COL5A1: variants seen among roughly 807,000 people sequenced by gnomAD.
COL5A1 encodes collagen type V alpha 1 chain, also known as collagen alpha-1(V) chain.
In COL5A1, 16 loss-of-function variants were observed where a neutral mutation model predicts 263.7. The observed-to-expected ratio is 0.06, with a 90% confidence interval of 0.04 to 0.09. The LOEUF is 0.09. Among genes scored for constraint, COL5A1 ranks in the 10% least tolerant of loss-of-function variants. The pLI, the probability that COL5A1 is intolerant of heterozygous loss-of-function variation, is 1.00. For missense variants in COL5A1, 2,036 were observed against 2,540.5 expected (o/e 0.80, Z 4.27); for synonymous variants, 1,012 against 1,004.5 (o/e 1.01, Z -0.14).
intron 9 of COL5A1, among the ~76,000 whole-genome samples, chr9:134,734,188 C>A (rs1350994078): frequency 6.6e-6 from 1 of 152,058 alleles, no homozygotes; most frequent in Admixed American, 6.6e-5. Flanking sequence ...AAGGGTGGGC[C>A]AAGGAGAGGG....
At position 134,741,957 on chromosome 9, in the gene COL5A1, T is replaced by A. The variant is rs749225741; in HGVS notation, c.1494+3149T>A. ...TTCCTCAAGACAGGCCTCACTTCTG[T>A]GCCCTTCCTCACACCCTGCTCCCTG... On this transcript the variant is annotated intron_variant, in intron 11 of 65. Transcript: ENST00000371817. The surrounding 1 kb of genome is among the most constrained non-coding windows in gnomAD (Gnocchi z 4.5). 9.9e-5 allele frequency among the ~76,000 whole-genome samples: 15 copies of A among 152,064 alleles called. No homozygotes were observed. The highest frequency in any genetic ancestry group is 3.9e-4 in the East Asian group (2 of 5,114).
chr9:134,828,799 TACAC>T (rs1468246447), intron 63 of COL5A1, among the ~76,000 whole-genome samples: 2 of 141,386 alleles, frequency 1.4e-5, no homozygotes, highest in Admixed American at 1.4e-4. Flanking sequence ...ACACAGACAT[TACAC>T]ACAGATACCA....
At chr9:134,645,353 C>T (rs1330001329) in intron 1 of COL5A1, among the ~76,000 whole-genome samples, 1 of 152,256 alleles carries the variant, frequency 6.6e-6, no homozygotes, top group Non-Finnish European at 1.5e-5. Flanking sequence ...CCTCCCTGGA[C>T]CGCCCCATCC....
rs566777666 is a variant in COL5A1, at chr9:134,686,849, C to T, written c.110-4063C>T. Among the ~76,000 whole-genome samples the T allele has an allele frequency of 4.3e-4, 65 of 152,260 alleles. No homozygotes were observed. Among genetic ancestry groups the T allele is most frequent in the African/African-American group, 1.5e-3 (61 of 41,546 alleles). On this transcript the variant is annotated intron_variant, in intron 1 of 65. Coordinates refer to ENST00000371817, the MANE Select transcript of COL5A1 (RefSeq NM_000093.5). This position sits in a 1 kb window ranked among gnomAD's most constrained non-coding sequence, Gnocchi z 4.6. The stretch of plus-strand genomic sequence containing the variant: ...CTTGTAGTTTAAAGATTCTGATGCC[C>T]GTGGCCTTGTGCTGGGCCCATGTCC...
chr9:134,754,893 TG>T lies in COL5A1; in HGVS notation c.1827+569del, dbSNP rs1275196236. Among the ~76,000 whole-genome samples the T allele has an allele frequency of 1.3e-5, 2 of 152,028 alleles. No individual in the cohort carries two copies. Among genetic ancestry groups the T allele is most frequent in the African/African-American group, 4.8e-5 (2 of 41,412 alleles). On this transcript the variant is annotated intron_variant, in intron 16 of 65. Transcript: ENST00000371817. The surrounding 1 kb of genome is among the most constrained non-coding windows in gnomAD (Gnocchi z 4.3). The stretch of plus-strand genomic sequence containing the variant: ...GGAGCCCAGATTGTGCTCTCAAAAG[TG>T]GACCTTTTCAACCAGCAGACCTTTC...
intron 1 of COL5A1, among the ~76,000 whole-genome samples, chr9:134,667,571 C>A (rs6537941): frequency 0.23 from 35,633 of 152,192 alleles, 5,267 homozygotes; most frequent in African/African-American, 0.41. Flanking sequence ...ACTAGGGCCT[C>A]ACCTTGGTGT....
At chr9:134,698,729 C>A (rs761290135) in intron 2 of COL5A1, among the ~76,000 whole-genome samples, 4 of 152,248 alleles carry the variant, frequency 2.6e-5, no homozygotes, top group Non-Finnish European at 5.9e-5. Context: ...GCCTTGCAGG[C>A]GCTGCTGCCG....
At chr9:134,728,847 C>T (rs371192876) in intron 6 of COL5A1, 40 bp downstream of exon 6, 24 of 1,613,246 alleles carry the variant, frequency 1.5e-5, no homozygotes, top group African/African-American at 9.3e-5. Flanking sequence ...CTGGGCCCCT[C>T]GAGGCCATGG....
intron 1 of COL5A1, among the ~76,000 whole-genome samples, chr9:134,683,056 A>T (rs971097092): frequency 6.6e-6 from 1 of 151,934 alleles, no homozygotes; most frequent in African/African-American, 2.4e-5. Context: ...CAGGGGAGGC[A>T]CCCTCCCCTC....
At chr9:134,685,816 TCATCCATCCATC>T (rs376262626) in intron 1 of COL5A1, among the ~76,000 whole-genome samples, 1 of 115,968 alleles carries the variant, frequency 8.6e-6, no homozygotes, top group East Asian at 2.9e-4. Context: ...ATCCATCCAT[TCATCCATCCATC>T]CATCCATCCA....
At chr9:134,810,669 A>G (rs35580471) in intron 44 of COL5A1, among the ~76,000 whole-genome samples, 5,854 of 152,242 alleles carry the variant, frequency 0.038, 145 homozygotes, top group Non-Finnish European at 0.057. Context: ...ATGCCTGTTC[A>G]TTTTTCCCCT....
At position 134,806,307 on chromosome 9, in the gene COL5A1, C is replaced by T. The variant is rs863223438; in HGVS notation, c.3366+11C>T. On this transcript the variant is annotated intron_variant, in intron 42 of 65. Transcript: ENST00000371817. ...GAGAAAGGGGCTCCTGTAAGTACTG[C>T]CTTGGATTGGGGGAGCCCTTCCCTC... 27 of 1,529,506 alleles carry T rather than the reference C, an allele frequency of 1.8e-5. No individual in the cohort carries two copies. The highest frequency in any genetic ancestry group is 2.3e-5 in the Non-Finnish European group (26 of 1,129,898). 94.7% of individuals were successfully genotyped at this position (1,529,506 alleles called of 1,614,324 possible).
At chr9:134,795,358 G>A in intron 34 of COL5A1, 43 bp downstream of exon 34, 1 of 1,588,860 alleles carries the variant, frequency 6.3e-7, no homozygotes, top group Non-Finnish European at 8.6e-7. Flanking sequence ...GTGAACCCAA[G>A]TTGCAAGGCT....
rs1002291042 is a variant in COL5A1 at position 134,765,263 on chromosome 9, C to T, written c.2035-418C>T. 4.6e-5 allele frequency among the ~76,000 whole-genome samples: 7 copies of T among 152,246 alleles called. No individual in the cohort carries two copies. The South Asian group carries it at 6.2e-4, about 14-fold the overall frequency. On this transcript the variant is annotated intron_variant, in intron 20 of 65. Coordinates refer to ENST00000371817, the MANE Select transcript of COL5A1 (RefSeq NM_000093.5). This position sits in a 1 kb window ranked among gnomAD's most constrained non-coding sequence, Gnocchi z 5.1. ...TGATATCATAAAAACAATCGTATGT[C>T]GCTGCGGAGGGGAATTCAGGAGCGA...
At chr9:134,769,814 CCT>C (rs1836811176) in intron 25 of COL5A1, among the ~76,000 whole-genome samples, 1 of 151,764 alleles carries the variant, frequency 6.6e-6, no homozygotes, top group Non-Finnish European at 1.5e-5. Flanking sequence ...TGGCTGCACC[CCT>C]CTTTCCTTCT....
intron 11 of COL5A1, among the ~76,000 whole-genome samples, chr9:134,749,428 G>A (rs1323875606): frequency 6.6e-6 from 1 of 152,188 alleles, no homozygotes; most frequent in Non-Finnish European, 1.5e-5. Flanking sequence ...CATTTCACAA[G>A]AAATGGAGTT....
intron 1 of COL5A1, among the ~76,000 whole-genome samples, chr9:134,679,491 AGGGGCACTGTGGGGCTGGTT>A (rs1327523725): frequency 2.0e-3 from 10 of 5,002 alleles, no homozygotes; most frequent in Non-Finnish European, 2.3e-3. Context: ...GGGGCTGGTT[AGGGGCACTGTGGGGCTGGTT>A]GGGGGCACTG....
intron 8 of COL5A1, 141 bp from the exon 9 acceptor site, chr9:134,731,922 ACGCTCCTG>A (rs1468355850): frequency 1.0e-6 from 1 of 985,470 alleles, no homozygotes; most frequent in African/African-American, 1.6e-5. Flanking sequence ...GGCCTCTGTC[ACGCTCCTG>A]CCATCCTCCT....
At chr9:134,773,335 C>T (rs946735338) in intron 26 of COL5A1, among the ~76,000 whole-genome samples, 1 of 152,190 alleles carries the variant, frequency 6.6e-6, no homozygotes, top group Non-Finnish European at 1.5e-5. Flanking sequence ...TGCAGCACGT[C>T]CACCAGCGCC....
Sources: gnomAD v4.1 joint callset for allele counts (sites outside exome capture counted in the v4.1 genomes callset) on GRCh38, gnomAD v4.1.1 for gene constraint, Gnocchi (gnomAD v3.1) non-coding constraint, MANE v1.5 for transcripts, NCBI Gene and HGNC (gene_info 2026-07-23, HGNC 2026-07-21) for gene names.